RBFOX1: variants seen among roughly 807,000 people sequenced by gnomAD.
The protein encoded by RBFOX1 is RNA binding fox-1 homolog 1.
A neutral mutation model predicts 57.7 loss-of-function variants in RBFOX1; 8 were observed. The ratio of observed to expected loss-of-function variants is 0.14; its 90% CI spans 0.08 to 0.25. The LOEUF (loss-of-function observed/expected upper bound fraction) is 0.25. Ranked by LOEUF, RBFOX1 falls within the 10% of genes least tolerant of loss-of-function variation. The probability of loss-of-function intolerance (pLI) is 1.00; values close to 1 mark genes in which losing one functional copy is unlikely to be tolerated. For missense variants in RBFOX1, 611 were observed against 548.5 expected (o/e 1.11, Z -1.14); for synonymous variants, 326 against 222.4 (o/e 1.47, Z -4.15).
intron 2 of RBFOX1, among the ~76,000 whole-genome samples, chr16:6,582,976 G>C (rs904555446): frequency 6.7e-6 from 1 of 150,134 alleles, no homozygotes; most frequent in Non-Finnish European, 1.5e-5. Context: ...TATTAATTCT[G>C]GACCTCCCTC....
intron 1 of RBFOX1, among the ~76,000 whole-genome samples, chr16:5,277,384 G>C (rs73510314): frequency 0.024 from 3,644 of 152,126 alleles, 159 homozygotes; most frequent in African/African-American, 0.083. Flanking sequence ...CAAAATTTCA[G>C]AGATCACCAC....
chr16:6,820,675 AAAAC>A (rs113286053), intron 3 of RBFOX1, among the ~76,000 whole-genome samples: 25 of 151,708 alleles, frequency 1.6e-4, no homozygotes, highest in African/African-American at 2.9e-4. Flanking sequence ...AAAAACAAGC[AAAAC>A]AAACAAACAA....
At chr16:7,502,705 C>G (rs1461252502) in intron 4 of RBFOX1, among the ~76,000 whole-genome samples, 4 of 152,064 alleles carry the variant, frequency 2.6e-5, no homozygotes, top group African/African-American at 2.4e-5. Context: ...GGGTAGAAAA[C>G]TTTATAATGT....
chr16:5,936,257 G>A (rs968285306), intron 4 of RBFOX1, among the ~76,000 whole-genome samples: 1 of 152,098 alleles, frequency 6.6e-6, no homozygotes, highest in Non-Finnish European at 1.5e-5. Flanking sequence ...CTGAGTAGCT[G>A]GGATTACAGG....
intron 1 of RBFOX1, among the ~76,000 whole-genome samples, chr16:5,415,256 C>T (rs1042391444): frequency 2.0e-5 from 3 of 152,152 alleles, no homozygotes; most frequent in African/African-American, 7.2e-5. Flanking sequence ...GGGAGGAAGG[C>T]ACCTTCTTCA....
intron 1 of RBFOX1, among the ~76,000 whole-genome samples, chr16:5,454,757 T>TC (rs2068530131): frequency 1.5e-5 from 2 of 135,804 alleles, no homozygotes. Context: ...TTCTTTTCTT[T>TC]TCTTTCTTTC....
chr16:5,882,767 C>T (rs1206067509), intron 4 of RBFOX1, among the ~76,000 whole-genome samples: 1 of 152,128 alleles, frequency 6.6e-6, no homozygotes, highest in Admixed American at 6.5e-5. Context: ...GAATTTGACA[C>T]AATACATTAC....
At position 6,098,224 on chromosome 16, in the gene RBFOX1, C is replaced by T. The variant is rs541402591; in HGVS notation, c.-127+78232C>T. ...GGGCCTGTGTGACAGGCACTGGTAC[C>T]TTTATTTCACAGATGGAGAGGCAGC... On this transcript the variant is annotated intron_variant, in intron 1 of 15. Coordinates refer to ENST00000550418, the MANE Select transcript of RBFOX1 (RefSeq NM_018723.4). 5.3e-4 allele frequency among the ~76,000 whole-genome samples: 81 copies of T among 152,314 alleles called. 1 individual carries two copies. Among genetic ancestry groups the T allele is most frequent in the African/African-American group, 1.7e-3 (72 of 41,570 alleles).
exon 3 of RBFOX1, chr16:5,599,919 C>T (rs993713515): frequency 1.3e-5 from 2 of 152,144 alleles, no homozygotes; most frequent in African/African-American, 4.8e-5. Flanking sequence ...ATAATCCCAG[C>T]CCTTTGGGAG....
chr16:5,481,386 A>C (rs571712223), intron 2 of RBFOX1, among the ~76,000 whole-genome samples: 1 of 152,334 alleles, frequency 6.6e-6, no homozygotes, highest in Admixed American at 6.5e-5. Flanking sequence ...CTGGGAGAAC[A>C]GGGCATTTTG....
chr16:7,000,655 A>T (rs1391045127), intron 3 of RBFOX1, among the ~76,000 whole-genome samples: 1 of 117,830 alleles, frequency 8.5e-6, no homozygotes, highest in Non-Finnish European at 1.6e-5. Context: ...CCCAGGCTGG[A>T]GTGCAGTGGC....
At chr16:7,411,009 G>A (rs1003474608) in intron 4 of RBFOX1, among the ~76,000 whole-genome samples, 2 of 152,094 alleles carry the variant, frequency 1.3e-5, no homozygotes, top group Admixed American at 6.5e-5. Context: ...ACAGTGGTGT[G>A]ATCTTGGCTC....
chr16:6,955,145 G>A (rs1284081808), intron 3 of RBFOX1, among the ~76,000 whole-genome samples: 1 of 151,918 alleles, frequency 6.6e-6, no homozygotes, highest in Non-Finnish European at 1.5e-5. Context: ...GGAGGTTGAG[G>A]CAGGAGGATC....
chr16:6,062,436 T>C (rs1404298806), intron 1 of RBFOX1, among the ~76,000 whole-genome samples: 2 of 151,980 alleles, frequency 1.3e-5, no homozygotes, highest in Admixed American at 1.3e-4. Context: ...ATACAAAAGA[T>C]ACCCTTATCA....
At chr16:5,691,850 G>T (rs9929086) in intron 3 of RBFOX1, among the ~76,000 whole-genome samples, 5,990 of 152,244 alleles carry the variant, frequency 0.039, 391 homozygotes, top group African/African-American at 0.14. Flanking sequence ...ATAGGTGCCA[G>T]AGTTGGGATT....
chr16:5,851,156 C>G (rs1262393373), intron 3 of RBFOX1, among the ~76,000 whole-genome samples: 1 of 152,180 alleles, frequency 6.6e-6, no homozygotes, highest in Non-Finnish European at 1.5e-5. Flanking sequence ...GGTTGTGAAG[C>G]CAGACCCTAT....
intron 4 of RBFOX1, among the ~76,000 whole-genome samples, chr16:7,154,078 G>C (rs2076614975): frequency 6.6e-6 from 1 of 152,156 alleles, no homozygotes; most frequent in Non-Finnish European, 1.5e-5. Context: ...TAATGGGCTA[G>C]AACTTACAGG....
At chr16:6,421,359 G>C (rs536166534) in intron 2 of RBFOX1, among the ~76,000 whole-genome samples, 3 of 152,326 alleles carry the variant, frequency 2.0e-5, no homozygotes, top group Non-Finnish European at 4.4e-5. Flanking sequence ...TGTTGAATGA[G>C]AAAAGCGTAT....
At chr16:7,541,252 A>T (rs1202215177) in intron 5 of RBFOX1, among the ~76,000 whole-genome samples, 1 of 152,246 alleles carries the variant, frequency 6.6e-6, no homozygotes, top group Non-Finnish European at 1.5e-5. Context: ...CACAAGGTGC[A>T]TTCCCTCAGA....
Sources: allele counts gnomAD v4.1 joint callset (sites outside exome capture counted in the v4.1 genomes callset), GRCh38; gene constraint gnomAD v4.1.1; transcripts MANE v1.5; gene names NCBI Gene and HGNC (gene_info 2026-07-23, HGNC 2026-07-21).